NSD3: variants seen among roughly 807,000 people sequenced by gnomAD.
NSD3 encodes nuclear receptor binding SET domain protein 3.
Under a neutral mutation model 160.8 loss-of-function variants are expected in NSD3, and 24 were observed. The observed-to-expected ratio is 0.15, with a 90% confidence interval of 0.11 to 0.21. NSD3 has a LOEUF of 0.21. Ranked by LOEUF, NSD3 falls within the 10% of genes least tolerant of loss-of-function variation. The probability of loss-of-function intolerance (pLI) is 1.00; values close to 1 mark genes in which losing one functional copy is unlikely to be tolerated. For missense variants in NSD3, 1,157 were observed against 1,735.9 expected (o/e 0.67, Z 5.93); for synonymous variants, 520 against 600.0 (o/e 0.87, Z 1.95).
intron 16 of NSD3, 69 bp from the exon 17 acceptor site, chr8:38,290,746 G>A: frequency 6.5e-7 from 1 of 1,530,854 alleles, no homozygotes; most frequent in Non-Finnish European, 8.9e-7. Flanking sequence ...TACAAGATTG[G>A]CAGAAGGGAA....
chr8:38,378,513 G>A (rs2150398984), intron 1 of NSD3, among the ~76,000 whole-genome samples: 1 of 152,264 alleles, frequency 6.6e-6, no homozygotes, highest in South Asian at 2.1e-4. Flanking sequence ...GTGGTGGCGG[G>A]CGCCTGTAGT....
At chr8:38,368,571 A>T (rs920672603) in intron 1 of NSD3, among the ~76,000 whole-genome samples, 1 of 152,234 alleles carries the variant, frequency 6.6e-6, no homozygotes, top group African/African-American at 2.4e-5. Flanking sequence ...CCATTAAGTT[A>T]TACAACATTT....
Position 38,288,489 on chromosome 8 carries a change from T to C in NSD3, c.3499A>G (p.Lys1167Glu), listed in dbSNP as rs1808918176. ...CCCCCACCACCATCCCATGCTACCT[T>C]CTTAATGCTCCTTTTGGTCCTGAGG... is the stretch of plus-strand genomic sequence containing the variant. ...WGLRTKRSIK[K>E]GEFVNEYVGE... is the part of the protein sequence containing the mutation. Residue 1167 changes from lysine to glutamate, a missense_variant and splice_region_variant, in exon 19 of 24, where the codon AAG becomes GAG. By Grantham distance (56) the Lys-to-Glu change is moderately conservative. Coordinates refer to ENST00000317025, the MANE Select transcript of NSD3 (RefSeq NM_023034.2). The surrounding 1 kb of genome is among the most constrained non-coding windows in gnomAD (Gnocchi z 4.5). 6.2e-7 allele frequency: 1 copy of C among 1,613,844 alleles called. No individual in the cohort carries two copies. Among genetic ancestry groups the C allele is most frequent in the East Asian group, 2.2e-5 (1 of 44,880 alleles).
Position 38,289,420 on chromosome 8 carries a change from T to C in NSD3, c.3204A>G (p.Arg1068=). 6.2e-7 allele frequency: 1 copy of C among 1,613,728 alleles called. No individual in the cohort carries two copies. The highest frequency in any genetic ancestry group is 1.7e-5 in the Admixed American group (1 of 59,922). ...TGATGTGTTTGTAGGGAGGGGGTTT[T>C]CTTGAGTTTTTTTCAATCTCTAGGG... ...KEALEIEKNS[R]KPPPYKHIKA... The change falls in exon 18 of 24, where the codon AGA becomes AGG. Residue 1068 remains arginine (R), a synonymous_variant. Coordinates refer to ENST00000317025, the MANE Select transcript of NSD3 (RefSeq NM_023034.2).
chr8:38,320,902 G>A, intron 8 of NSD3, 170 bp downstream of exon 8: 1 of 497,132 alleles, frequency 2.0e-6, no homozygotes, highest in Non-Finnish European at 3.5e-6. Context: ...CAGAATCACA[G>A]GGATGGCTGT....
At chr8:38,365,952 T>G (rs1339569972) in intron 1 of NSD3, among the ~76,000 whole-genome samples, 2 of 152,058 alleles carry the variant, frequency 1.3e-5, no homozygotes, top group Admixed American at 6.6e-5. Flanking sequence ...AGTTTAAATC[T>G]TAAATGTTAT....
chr8:38,279,418 T>A, intron 21 of NSD3, 122 bp downstream of exon 21: 1 of 1,206,724 alleles, frequency 8.3e-7, no homozygotes. Context: ...GTTTTCTAAA[T>A]ATAACCTTCC....
intron 1 of NSD3, among the ~76,000 whole-genome samples, chr8:38,354,365 A>C (rs140809010): frequency 6.2e-4 from 94 of 152,364 alleles, no homozygotes; most frequent in African/African-American, 2.1e-3. Flanking sequence ...CAATGCATGA[A>C]CTTTGATTAA....
intron 1 of NSD3, among the ~76,000 whole-genome samples, chr8:38,371,709 G>T (rs1233391836): frequency 6.6e-6 from 1 of 152,084 alleles, no homozygotes; most frequent in African/African-American, 2.4e-5. Flanking sequence ...ATCTTGCAGA[G>T]ATCATACAAA....
chr8:38,312,075 A>G (rs938610865), intron 12 of NSD3, among the ~76,000 whole-genome samples: 3 of 152,098 alleles, frequency 2.0e-5, no homozygotes, highest in African/African-American at 7.2e-5. Context: ...TAGTCTTCAC[A>G]CCCTTATCAA....
intron 2 of NSD3, among the ~76,000 whole-genome samples, chr8:38,341,725 G>A (rs1024154415): frequency 6.6e-6 from 1 of 152,012 alleles, no homozygotes; most frequent in Non-Finnish European, 1.5e-5. Context: ...GCTGGGGCAG[G>A]TGGATCACTT....
rs2150371771 is a variant in NSD3, at chr8:38,321,267, C to T, written c.1709-95G>A. Reference sequence around the variant, plus strand: ...ATGACCACATTCCTTGCTTTTCTTACCCATTACTTTTGGAATTTTAATTAA... The same window carrying T: ...ATGACCACATTCCTTGCTTTTCTTATCCATTACTTTTGGAATTTTAATTAA... On this transcript the variant is annotated intron_variant, in intron 7 of 23. Transcript: ENST00000317025. This position sits in a 1 kb window ranked among gnomAD's most constrained non-coding sequence, Gnocchi z 4.7. The T allele has an allele frequency of 1.0e-6, 1 of 960,276 alleles. No individual in the cohort carries two copies. The highest frequency in any genetic ancestry group is 2.2e-4 in the Middle Eastern group (1 of 4,588). 59.5% of individuals were successfully genotyped at this position (960,276 alleles called of 1,614,324 possible).
intron 1 of NSD3, among the ~76,000 whole-genome samples, chr8:38,358,392 G>A (rs1018777242): frequency 1.3e-5 from 2 of 152,088 alleles, no homozygotes; most frequent in African/African-American, 2.4e-5. Flanking sequence ...ATGAACTGTT[G>A]CAAGGAATAT....
intron 12 of NSD3, among the ~76,000 whole-genome samples, chr8:38,313,145 A>T (rs968424267): frequency 6.6e-6 from 1 of 152,266 alleles, no homozygotes; most frequent in Middle Eastern, 3.4e-3. Flanking sequence ...TAAGGGGAAA[A>T]TTTTAAGTTA....
intron 7 of NSD3, among the ~76,000 whole-genome samples, chr8:38,325,300 A>G (rs563227088): frequency 1.3e-5 from 2 of 152,306 alleles, no homozygotes; most frequent in Non-Finnish European, 2.9e-5. Flanking sequence ...AAACCCATAT[A>G]TGGGTCTATA....
chr8:38,349,834 CCT>C (rs1490828359), intron 1 of NSD3, among the ~76,000 whole-genome samples: 34 of 151,720 alleles, frequency 2.2e-4, no homozygotes. Context: ...ATCCCTCCCC[CCT>C]TTCCCCACCC....
rs1372564847 is a variant in NSD3 at position 38,273,870 on chromosome 8, T to A, written c.*1771A>T. On this transcript the variant is annotated 3_prime_UTR_variant, in exon 24 of 24. Coordinates refer to ENST00000317025, the MANE Select transcript of NSD3 (RefSeq NM_023034.2). Reference sequence around the variant, plus strand: ...GAATTAATTGCTGGAGTCAGGCAAATGGCAGTTTAGGAGCTTCAGTAAAAG... The same window carrying A: ...GAATTAATTGCTGGAGTCAGGCAAAAGGCAGTTTAGGAGCTTCAGTAAAAG... 1 of 152,182 alleles carries A rather than the reference T, an allele frequency of 6.6e-6. No homozygotes were observed. Among genetic ancestry groups the A allele is most frequent in the Non-Finnish European group, 1.5e-5 (1 of 68,030 alleles). The allele number at this position is 152,182 out of a possible 1,614,324, so 9.4% of individuals were successfully genotyped here. A position where few individuals can be genotyped will look rare whatever the true frequency, so the allele number is the denominator to read the frequency against.
intron 7 of NSD3, among the ~76,000 whole-genome samples, chr8:38,325,651 C>A (rs945616329): frequency 6.6e-6 from 1 of 152,102 alleles, no homozygotes; most frequent in Non-Finnish European, 1.5e-5. Context: ...GCAGGTAGAT[C>A]GCTTGAATCC....
intron 12 of NSD3, 67 bp downstream of exon 12, chr8:38,314,580 T>C (rs1809612592): frequency 9.4e-6 from 15 of 1,598,198 alleles, no homozygotes; most frequent in East Asian, 2.2e-5. Flanking sequence ...CTAGGAGAGG[T>C]TGTCAGTGCA....
Sources: allele counts gnomAD v4.1 joint callset (sites outside exome capture counted in the v4.1 genomes callset), GRCh38; gene constraint gnomAD v4.1.1; non-coding constraint Gnocchi (gnomAD v3.1); transcripts MANE v1.5; gene names NCBI Gene and HGNC (gene_info 2026-07-23, HGNC 2026-07-21).